The following RALYL variants were observed in gnomAD, a reference collection of about 807,000 sequenced individuals.
RALYL encodes the protein RALY RNA binding protein like, also known as RNA-binding Raly-like protein.
In RALYL, 29 loss-of-function variants were observed where a neutral mutation model predicts 35.1. The ratio of observed to expected loss-of-function variants is 0.83; its 90% CI spans 0.61 to 1.13. The LOEUF is 1.13. Ranked by LOEUF, RALYL falls within the 50% of genes most tolerant of loss-of-function variation. The pLI is 0.00. For synonymous variants in RALYL, 120 were observed against 127.6 expected (o/e 0.94, Z 0.40); for missense variants, 359 against 360.4 (o/e 1.00, Z 0.03).
chr8:84,544,855 A>G (rs1211579674), intron 2 of RALYL, among the ~76,000 whole-genome samples: 1 of 151,970 alleles, frequency 6.6e-6, no homozygotes, highest in African/African-American at 2.4e-5. Context: ...TAAAACTTGA[A>G]TTTTTCCCCA....
intron 1 of RALYL, among the ~76,000 whole-genome samples, chr8:84,451,029 C>G (rs1563953578): frequency 6.6e-6 from 1 of 151,906 alleles, no homozygotes; most frequent in East Asian, 1.9e-4. Context: ...GGTCCACAGG[C>G]AAGTCAAAAG....
chr8:84,469,498 G>T (rs560512449), intron 1 of RALYL, among the ~76,000 whole-genome samples: 1 of 152,204 alleles, frequency 6.6e-6, no homozygotes, highest in South Asian at 2.1e-4. Context: ...CAGTCTGCCC[G>T]TCCTGAGATC....
At chr8:84,682,045 A>C (rs534511967) in intron 2 of RALYL, among the ~76,000 whole-genome samples, 1 of 152,300 alleles carries the variant, frequency 6.6e-6, no homozygotes, top group South Asian at 2.1e-4. Flanking sequence ...AGTTTTTAGC[A>C]TGAAGGGCTG....
chr8:84,790,330 GTC>G (rs1820482953), intron 3 of RALYL, among the ~76,000 whole-genome samples: 1 of 152,192 alleles, frequency 6.6e-6, no homozygotes, highest in African/African-American at 2.4e-5. Flanking sequence ...TTCACATACG[GTC>G]AGCCCTGAGG....
intron 1 of RALYL, among the ~76,000 whole-genome samples, chr8:84,439,060 C>T (rs570942214): frequency 4.6e-5 from 7 of 151,714 alleles, no homozygotes; most frequent in African/African-American, 1.4e-4. Flanking sequence ...GGATTGCTTT[C>T]GTCATTTGGG....
At chr8:84,321,952 G>T (rs1844920188) in intron 1 of RALYL, among the ~76,000 whole-genome samples, 1 of 151,994 alleles carries the variant, frequency 6.6e-6, no homozygotes, top group East Asian at 1.9e-4. Context: ...ATAATAAAGG[G>T]ATCAATTCTC....
intron 1 of RALYL, among the ~76,000 whole-genome samples, chr8:84,504,307 T>G (rs970322390): frequency 1.3e-5 from 2 of 152,128 alleles, no homozygotes; most frequent in Admixed American, 1.3e-4. Context: ...GAAACTAAAT[T>G]TTTGTTCATA....
rs141769667 is a variant in RALYL, at chr8:84,731,978, TC to T, written c.257-42596del. On this transcript the variant is annotated intron_variant, in intron 2 of 8. Transcript: ENST00000521268. ...ATTCTCTAGTCCTCATCCCTACCCTTCCCCCTTTATTTGTTTAATAAACGTT... is the reference window on the plus strand; with the variant it reads ...ATTCTCTAGTCCTCATCCCTACCCTTCCCCTTTATTTGTTTAATAAACGTT... Among the ~76,000 whole-genome samples the T allele has an allele frequency of 9.6e-3, 1,452 of 152,014 alleles. 22 individuals carry two copies. Among genetic ancestry groups the T allele is most frequent in the African/African-American group, 0.032 (1,346 of 41,484 alleles).
chr8:84,594,168 C>T (rs1422469833), intron 2 of RALYL, among the ~76,000 whole-genome samples: 1 of 152,038 alleles, frequency 6.6e-6, no homozygotes, highest in African/African-American at 2.4e-5. Flanking sequence ...TAAGTATTAT[C>T]TGTCCATCAA....
chr8:84,276,234 C>T (rs915262548), intron 1 of RALYL, among the ~76,000 whole-genome samples: 3 of 152,024 alleles, frequency 2.0e-5, no homozygotes, highest in East Asian at 1.9e-4. Flanking sequence ...TTAGCTAATA[C>T]GAATGTGGTC....
At chr8:84,408,528 C>A (rs926693460) in intron 1 of RALYL, among the ~76,000 whole-genome samples, 4 of 152,166 alleles carry the variant, frequency 2.6e-5, no homozygotes, top group Non-Finnish European at 4.4e-5. Flanking sequence ...TGGCACAAAA[C>A]AACAGAAGCT....
intron 8 of RALYL, 24 bp from the exon 9 acceptor site, chr8:84,920,870 T>TA (rs1356234957): frequency 1.6e-6 from 2 of 1,227,000 alleles, no homozygotes; most frequent in African/African-American, 3.1e-5. Context: ...CTCTGTATTT[T>TA]AAAATTTTTT....
chr8:84,710,091 C>T (rs537037789), intron 2 of RALYL, among the ~76,000 whole-genome samples: 15 of 151,992 alleles, frequency 9.9e-5, no homozygotes, highest in South Asian at 8.3e-4. Context: ...AAAAAAGCTA[C>T]GAATTGTCCT....
At chr8:84,662,773 A>G (rs888679376) in intron 2 of RALYL, among the ~76,000 whole-genome samples, 1 of 152,172 alleles carries the variant, frequency 6.6e-6, no homozygotes, top group African/African-American at 2.4e-5. Context: ...ATCTATTACT[A>G]CATATTTATA....
chr8:84,300,861 G>GT (rs1467758445), intron 1 of RALYL, among the ~76,000 whole-genome samples: 1 of 151,992 alleles, frequency 6.6e-6, no homozygotes, highest in African/African-American at 2.4e-5. Context: ...TACCTTTTAA[G>GT]TGGGGGCATT....
intron 2 of RALYL, among the ~76,000 whole-genome samples, chr8:84,553,668 A>T (rs774090056): frequency 3.3e-5 from 5 of 152,174 alleles, no homozygotes; most frequent in Non-Finnish European, 7.3e-5. Context: ...TATCTATTAA[A>T]TTATTTTGTA....
At chr8:84,677,171 A>G (rs1425813123) in intron 2 of RALYL, among the ~76,000 whole-genome samples, 1 of 152,244 alleles carries the variant, frequency 6.6e-6, no homozygotes, top group Non-Finnish European at 1.5e-5. Context: ...TTATCAAGGC[A>G]GAGCTATATC....
At chr8:84,904,306 G>A (rs1846141784) in intron 8 of RALYL, among the ~76,000 whole-genome samples, 1 of 152,156 alleles carries the variant, frequency 6.6e-6, no homozygotes, top group Non-Finnish European at 1.5e-5. Flanking sequence ...TCAAGATAAG[G>A]TAGAAATATG....
intron 2 of RALYL, among the ~76,000 whole-genome samples, chr8:84,673,793 C>A (rs541883835): frequency 2.0e-5 from 3 of 152,102 alleles, no homozygotes; most frequent in Non-Finnish European, 4.4e-5. Flanking sequence ...CTGTAGTATA[C>A]TTTGAAGTTG....
Sources: allele counts gnomAD v4.1 joint callset (sites outside exome capture counted in the v4.1 genomes callset), GRCh38; gene constraint gnomAD v4.1.1; transcripts MANE v1.5; gene names NCBI Gene and HGNC (gene_info 2026-07-23, HGNC 2026-07-21).